Variants in MTMR7 observed in about 807,000 individuals in gnomAD.
MTMR7 encodes the protein phosphatidylinositol-3-phosphate phosphatase MTMR7.
A neutral mutation model predicts 81.2 loss-of-function variants in MTMR7; 76 were observed. The ratio of observed to expected loss-of-function variants is 0.94; its 90% CI spans 0.78 to 1.13. The LOEUF (loss-of-function observed/expected upper bound fraction) is 1.13. Ranked by LOEUF, MTMR7 falls within the 50% of genes most tolerant of loss-of-function variation. MTMR7 has a pLI of 0.00. For missense variants in MTMR7, 1,044 were observed against 820.0 expected, an observed-to-expected ratio of 1.27 and a Z score of -3.34; for synonymous variants, 372 against 289.8, an observed-to-expected ratio of 1.28 and a Z score of -2.88.
chr8:17,412,398 G>A (rs1474751204), intron 1 of MTMR7, among the ~76,000 whole-genome samples: 2 of 152,126 alleles, frequency 1.3e-5, no homozygotes, highest in Non-Finnish European at 2.9e-5. Flanking sequence ...GAGCTGTGGT[G>A]GTAGTAACAA....
rs566334961 is a variant in MTMR7 at position 17,355,387 on chromosome 8, G to T, written c.468+5730C>A. 2.1e-4 allele frequency among the ~76,000 whole-genome samples: 32 copies of T among 152,190 alleles called. No homozygotes were observed. The South Asian group carries it at 6.2e-3, about 30-fold the overall frequency. ...ATTAAGAGGAAGATTCAGTGTCATGGAAGTGTCCATTCTAGCCCAAATAAT... is the reference window on the plus strand; with the variant it reads ...ATTAAGAGGAAGATTCAGTGTCATGTAAGTGTCCATTCTAGCCCAAATAAT... On this transcript the variant is annotated intron_variant, in intron 4 of 13. Transcript: ENST00000180173.
At chr8:17,406,256 T>G (rs1344570732) in intron 1 of MTMR7, among the ~76,000 whole-genome samples, 1 of 152,180 alleles carries the variant, frequency 6.6e-6, no homozygotes, top group Non-Finnish European at 1.5e-5. Flanking sequence ...TATAACTGAC[T>G]AAGGATTTGT....
chr8:17,373,629 AG>A (rs1258912053), intron 1 of MTMR7, among the ~76,000 whole-genome samples: 6 of 152,222 alleles, frequency 3.9e-5, no homozygotes, highest in Non-Finnish European at 7.3e-5. Context: ...TCTATGAAAA[AG>A]AAAAAAGCAC....
chr8:17,357,204 G>C (rs1037062729), intron 4 of MTMR7, among the ~76,000 whole-genome samples: 1 of 152,198 alleles, frequency 6.6e-6, no homozygotes, highest in Non-Finnish European at 1.5e-5. Flanking sequence ...CTATGCCTTA[G>C]ACAATTACTT....
At chr8:17,374,108 T>G (rs931192258) in intron 1 of MTMR7, among the ~76,000 whole-genome samples, 1 of 152,224 alleles carries the variant, frequency 6.6e-6, no homozygotes, top group African/African-American at 2.4e-5. Flanking sequence ...AGAGAAACAC[T>G]GACTCATCCC....
intron 1 of MTMR7, among the ~76,000 whole-genome samples, chr8:17,407,727 C>T (rs1233686748): frequency 6.6e-6 from 1 of 151,684 alleles, no homozygotes; most frequent in East Asian, 1.9e-4. Context: ...GTTTAGTGCA[C>T]GCAAAGAAAA....
At chr8:17,300,406 A>G (rs539630904) in intron 13 of MTMR7, 182 bp from the exon 14 acceptor site, 2 of 625,328 alleles carry the variant, frequency 3.2e-6, no homozygotes, top group African/African-American at 1.8e-5. Context: ...GGCCTGCTTT[A>G]TCTCTAATGT....
Position 17,373,623 on chromosome 8 carries a change from T to C in MTMR7, c.25-383A>G, listed in dbSNP as rs555705772. On this transcript the variant is annotated intron_variant, in intron 1 of 13. Transcript: ENST00000180173. ...TACACTATGTATCAATTACATTCTA[T>C]GAAAAAGAAAAAAGCACATTTTCCT... Among the ~76,000 whole-genome samples, 74 of 152,324 alleles carry C rather than the reference T, an allele frequency of 4.9e-4. 1 individual carries two copies. Among genetic ancestry groups the C allele is most frequent in the South Asian group, 3.5e-3 (17 of 4,834 alleles).
intron 4 of MTMR7, among the ~76,000 whole-genome samples, chr8:17,353,168 T>C (rs1307600965): frequency 6.6e-6 from 1 of 152,190 alleles, no homozygotes; most frequent in Non-Finnish European, 1.5e-5. Context: ...TTGAGGACAT[T>C]AAATGACATA....
chr8:17,307,707 TA>T (rs1327145101), intron 10 of MTMR7, among the ~76,000 whole-genome samples: 2 of 152,124 alleles, frequency 1.3e-5, no homozygotes, highest in Admixed American at 1.3e-4. Flanking sequence ...TATGCAGCCA[TA>T]AAAAATGATG....
rs180893435 is a variant in MTMR7, at chr8:17,369,935, G to A, written c.310+1102C>T. On this transcript the variant is annotated intron_variant, in intron 3 of 13. Transcript: ENST00000180173. ...GCTGGGATTACAGATGTGAGCCACC[G>A]CGTCAGGCCGAGTATATTTCTTTTA... Among the ~76,000 whole-genome samples, 58 of 151,988 alleles carry A rather than the reference G, an allele frequency of 3.8e-4. 1 individual carries two copies. The East Asian group carries it at 6.2e-3, about 16-fold the overall frequency.
intron 1 of MTMR7, among the ~76,000 whole-genome samples, chr8:17,385,414 T>C (rs1204927307): frequency 6.6e-6 from 1 of 152,180 alleles, no homozygotes; most frequent in Admixed American, 6.5e-5. Flanking sequence ...TCCTGGACTG[T>C]TCTCGTGATA....
At chr8:17,337,776 C>T (rs1291011423) in intron 6 of MTMR7, among the ~76,000 whole-genome samples, 1 of 152,170 alleles carries the variant, frequency 6.6e-6, no homozygotes, top group East Asian at 1.9e-4. Context: ...CCACCACATC[C>T]AGCTCATTTT....
chr8:17,330,251 T>C (rs973459300), intron 7 of MTMR7, among the ~76,000 whole-genome samples: 3 of 152,222 alleles, frequency 2.0e-5, no homozygotes, highest in Non-Finnish European at 4.4e-5. Context: ...AGCACCTTAT[T>C]TGTCCCTCTT....
intron 1 of MTMR7, among the ~76,000 whole-genome samples, chr8:17,380,637 C>T (rs1456793358): frequency 6.6e-6 from 1 of 151,956 alleles, no homozygotes; most frequent in Non-Finnish European, 1.5e-5. Flanking sequence ...GCAAAAACAT[C>T]CTCAAATTCA....
At chr8:17,366,551 A>G (rs1273933166) in intron 3 of MTMR7, among the ~76,000 whole-genome samples, 1 of 152,142 alleles carries the variant, frequency 6.6e-6, no homozygotes, top group African/African-American at 2.4e-5. Context: ...ACTGAAAGCT[A>G]AATTGCATCA....
chr8:17,378,417 G>C (rs763463617), intron 1 of MTMR7, among the ~76,000 whole-genome samples: 2 of 152,184 alleles, frequency 1.3e-5, no homozygotes, highest in Admixed American at 6.5e-5. Context: ...AAATTTCAGA[G>C]TTTGGGCACC....
At chr8:17,323,074 A>C (rs7820343) in intron 7 of MTMR7, among the ~76,000 whole-genome samples, 19,514 of 149,992 alleles carry the variant, frequency 0.13, 1,419 homozygotes, top group African/African-American at 0.2. Flanking sequence ...CAGCCTCCTG[A>C]GTAGCTGGGA....
chr8:17,313,366 G>A lies in MTMR7; in HGVS notation c.901C>T (p.Leu301=), dbSNP rs1416796137. 1 of 1,612,488 alleles carries A rather than the reference G, an allele frequency of 6.2e-7. No homozygotes were observed. Among genetic ancestry groups the A allele is most frequent in the Admixed American group, 1.7e-5 (1 of 60,012 alleles). The part of the protein sequence containing the change: ...ELKSPSMSDF[L]WGLENSGWLR... Reference sequence around the variant, plus strand: ...CAGCCAGAGTTCTCCAGACCCCACAGGAAATCACTCATGGAGGGAGATTTA... The same window carrying A: ...CAGCCAGAGTTCTCCAGACCCCACAAGAAATCACTCATGGAGGGAGATTTA... The change falls in exon 8 of 14, where the codon CTG becomes TTG. Residue 301 remains leucine, a synonymous_variant. Transcript: ENST00000180173.
Sources: gnomAD v4.1 joint callset for allele counts (sites outside exome capture counted in the v4.1 genomes callset) on GRCh38, gnomAD v4.1.1 for gene constraint, MANE v1.5 for transcripts, NCBI Gene and HGNC (gene_info 2026-07-23, HGNC 2026-07-21) for gene names.